The following ARFIP1 variants were observed in gnomAD, a reference collection of about 807,000 sequenced individuals.
ARFIP1 encodes the protein arfaptin-1.
In ARFIP1, 24 loss-of-function variants were observed where a neutral mutation model predicts 42.5. That is an observed-to-expected ratio of 0.57 (90% CI 0.41 to 0.80). The LOEUF (loss-of-function observed/expected upper bound fraction) is 0.80. ARFIP1 is among the 30% of genes least tolerant of loss of function. ARFIP1 has a pLI of 0.00. For synonymous variants in ARFIP1, 141 were observed against 153.7 expected (o/e 0.92, Z 0.61); for missense variants, 354 against 434.0 (o/e 0.82, Z 1.64).
intron 8 of ARFIP1, among the ~76,000 whole-genome samples, chr4:152,893,728 G>A (rs924039642): frequency 7.9e-5 from 12 of 152,202 alleles, no homozygotes; most frequent in Middle Eastern, 3.4e-3. Context: ...GTGACTTAAA[G>A]GATGACAGAG....
At chr4:152,839,991 T>C (rs894134804) in intron 2 of ARFIP1, among the ~76,000 whole-genome samples, 2 of 151,984 alleles carry the variant, frequency 1.3e-5, no homozygotes, top group African/African-American at 4.8e-5. Context: ...ATTTCCACCT[T>C]GTTTTCATTT....
intron 8 of ARFIP1, 136 bp downstream of exon 8, chr4:152,888,443 G>A: frequency 3.2e-6 from 2 of 615,478 alleles, no homozygotes; most frequent in Non-Finnish European, 5.3e-6. Context: ...CAGTGTTTGA[G>A]TTTTTAGAAG....
chr4:152,860,808 G>C (rs1423174310), intron 2 of ARFIP1, among the ~76,000 whole-genome samples: 1 of 152,126 alleles, frequency 6.6e-6, no homozygotes, highest in Non-Finnish European at 1.5e-5. Flanking sequence ...AGATTGAATG[G>C]ATAAAACTAA....
chr4:152,907,035 T>G (rs1738417939), intron 8 of ARFIP1, among the ~76,000 whole-genome samples: 1 of 152,230 alleles, frequency 6.6e-6, no homozygotes, highest in Non-Finnish European at 1.5e-5. Context: ...TGCTGCTTTA[T>G]TTTTCTCTGT....
At chr4:152,888,098 C>G (rs1736412419) in intron 7 of ARFIP1, 35 bp from the exon 8 acceptor site, 2 of 1,548,910 alleles carry the variant, frequency 1.3e-6, no homozygotes, top group Admixed American at 2.0e-5. Flanking sequence ...CTTTACTGTT[C>G]TTGTAGTATG....
chr4:152,829,845 A>G, intron 2 of ARFIP1, 119 bp downstream of exon 2: 1 of 759,406 alleles, frequency 1.3e-6, no homozygotes, highest in Non-Finnish European at 2.0e-6. Context: ...TTCAGTCAGG[A>G]ATCTAATGTT....
intron 2 of ARFIP1, among the ~76,000 whole-genome samples, chr4:152,841,236 A>G (rs560994217): frequency 1.8e-4 from 27 of 151,830 alleles, no homozygotes; most frequent in African/African-American, 6.0e-4. Flanking sequence ...GAGTTTCACC[A>G]TGTCGGCCAG....
intron 8 of ARFIP1, among the ~76,000 whole-genome samples, chr4:152,895,066 T>C (rs1209797218): frequency 6.6e-6 from 1 of 152,228 alleles, no homozygotes; most frequent in East Asian, 1.9e-4. Flanking sequence ...GGCCAGACTA[T>C]GTAGCCCTGA....
At chr4:152,848,955 T>G (rs1395347805) in intron 2 of ARFIP1, among the ~76,000 whole-genome samples, 3 of 152,308 alleles carry the variant, frequency 2.0e-5, no homozygotes, top group Non-Finnish European at 4.4e-5. Context: ...ATGGGGGCTT[T>G]TTCAGAGAGC....
At chr4:152,811,616 A>T (rs1729474071) in intron 1 of ARFIP1, among the ~76,000 whole-genome samples, 1 of 152,222 alleles carries the variant, frequency 6.6e-6, no homozygotes, top group Non-Finnish European at 1.5e-5. Context: ...AAAGAAGTGA[A>T]GCCCGAAAAG....
chr4:152,842,612 A>G (rs1031146973), intron 2 of ARFIP1, among the ~76,000 whole-genome samples: 2 of 151,956 alleles, frequency 1.3e-5, no homozygotes, highest in African/African-American at 4.8e-5. Flanking sequence ...ATATTTTCTT[A>G]TTCTTTTTTC....
At chr4:152,868,014 G>A (rs183247775) in intron 3 of ARFIP1, among the ~76,000 whole-genome samples, 3 of 152,312 alleles carry the variant, frequency 2.0e-5, no homozygotes, top group Admixed American at 1.3e-4. Flanking sequence ...ATGAAAAAAT[G>A]TTAAAGGAAT....
At chr4:152,902,520 G>T (rs1259060608) in intron 8 of ARFIP1, among the ~76,000 whole-genome samples, 1 of 152,054 alleles carries the variant, frequency 6.6e-6, no homozygotes, top group Non-Finnish European at 1.5e-5. Flanking sequence ...GGGTGGGCGG[G>T]GGGAGACTAA....
intron 8 of ARFIP1, among the ~76,000 whole-genome samples, chr4:152,896,722 T>C (rs574006676): frequency 6.6e-6 from 1 of 152,204 alleles, no homozygotes; most frequent in East Asian, 1.9e-4. Context: ...AATAATACTT[T>C]TAAAAAGATA....
At chr4:152,837,390 C>G (rs1326260459) in intron 2 of ARFIP1, among the ~76,000 whole-genome samples, 2 of 152,210 alleles carry the variant, frequency 1.3e-5, no homozygotes, top group African/African-American at 4.8e-5. Context: ...TACATTCCCA[C>G]TAGCAGTGGA....
intron 8 of ARFIP1, among the ~76,000 whole-genome samples, chr4:152,890,343 A>T (rs1021430579): frequency 3.3e-5 from 5 of 152,162 alleles, no homozygotes; most frequent in African/African-American, 1.2e-4. Flanking sequence ...TTATAGAGCC[A>T]GGTCGTCTCT....
intron 2 of ARFIP1, among the ~76,000 whole-genome samples, chr4:152,844,490 T>C (rs1732380819): frequency 6.6e-6 from 1 of 152,188 alleles, no homozygotes; most frequent in Admixed American, 6.5e-5. Flanking sequence ...TTAAATTAAA[T>C]TCTCTTTTTA....
At chr4:152,856,548 A>G (rs1373196992) in intron 2 of ARFIP1, among the ~76,000 whole-genome samples, 1 of 152,222 alleles carries the variant, frequency 6.6e-6, no homozygotes, top group Non-Finnish European at 1.5e-5. Flanking sequence ...ATTAAAGTAT[A>G]CGGGGAGGAT....
rs1209623857 is a variant in ARFIP1, at chr4:152,829,783, G to A, written c.93+57G>A. Reference sequence around the variant, plus strand: ...GAATCATGGTAAGTCTTTAAATGTTGAGATGAAAGTAATAGACAAAATTTA... The same window carrying A: ...GAATCATGGTAAGTCTTTAAATGTTAAGATGAAAGTAATAGACAAAATTTA... On this transcript the variant is annotated intron_variant, in intron 2 of 8. Transcript: ENST00000353617. 13 of 1,336,420 alleles carry A rather than the reference G, an allele frequency of 9.7e-6. No individual in the cohort carries two copies. The African/African-American group carries it at 1.8e-4, about 18-fold the overall frequency. The allele number at this position is 1,336,420 out of a possible 1,614,324, so 82.8% of individuals were successfully genotyped here.
Sources: allele counts gnomAD v4.1 joint callset (sites outside exome capture counted in the v4.1 genomes callset), GRCh38; gene constraint gnomAD v4.1.1; transcripts MANE v1.5; gene names NCBI Gene and HGNC (gene_info 2026-07-23, HGNC 2026-07-21).